The following ZC3H12D variants were observed in gnomAD, a reference collection of about 807,000 sequenced individuals.
ZC3H12D encodes the protein zinc finger CCCH-type containing 12D, also known as probable ribonuclease ZC3H12D.
Under a neutral mutation model 24.2 loss-of-function variants are expected in ZC3H12D, and 11 were observed. The ratio of observed to expected loss-of-function variants is 0.46; its 90% confidence interval spans 0.29 to 0.75. The LOEUF is 0.75. ZC3H12D is among the 30% of genes least tolerant of loss of function. The pLI is 0.11. For synonymous variants in ZC3H12D, 333 were observed against 341.8 expected (o/e 0.97, Z 0.28); for missense variants, 740 against 767.7 (o/e 0.96, Z 0.43).
rs1453307081 is a variant in ZC3H12D, at chr6:149,456,445, G to T, written c.680+221C>A. 6.6e-6 allele frequency among the ~76,000 whole-genome samples: 1 copy of T among 152,034 alleles called. No homozygotes were observed. ...GGCCCACCTCTTGGGCTTCTCTGTG[G>T]TGTGTCAGATGTGGCCCTGGGAACA... On this transcript the variant is annotated intron_variant, in intron 4 of 5. Coordinates refer to ENST00000409806, the MANE Select transcript of ZC3H12D (RefSeq NM_207360.3). The surrounding 1 kb of genome is among the most constrained non-coding windows in gnomAD (Gnocchi z 4.3).
rs34279229 is a variant in ZC3H12D at position 149,473,134 on chromosome 6, GA to G, written c.305+1104del. ...CAGGGAGACTTAGCTGGTTAAAAGT[GA>G]AAAAAAAAAAAAAACTCAAAGTACA... On this transcript the variant is annotated intron_variant, in intron 2 of 5. Transcript: ENST00000409806. Among the ~76,000 whole-genome samples the G allele has an allele frequency of 5.9e-3, 273 of 46,082 alleles. 2 individuals are homozygous for G. Among genetic ancestry groups the G allele is most frequent in the African/African-American group, 0.038 (220 of 5,730 alleles). The allele number at this position is 46,082 out of a possible 152,430, so 30.2% of individuals were successfully genotyped here. A position where few individuals can be genotyped will look rare whatever the true frequency, so the allele number is the denominator to read the frequency against.
intron 4 of ZC3H12D, among the ~76,000 whole-genome samples, chr6:149,455,561 C>T (rs1401814351): frequency 1.3e-5 from 2 of 151,340 alleles, no homozygotes; most frequent in Non-Finnish European, 3.0e-5. Context: ...TCTGCCCTCA[C>T]CATTAGCTGA....
intron 2 of ZC3H12D, among the ~76,000 whole-genome samples, chr6:149,463,230 A>G (rs1776103437): frequency 6.6e-6 from 1 of 152,332 alleles, no homozygotes; most frequent in South Asian, 2.1e-4. Context: ...CCAAGCAAGG[A>G]GGGCAATGCC....
At chr6:149,454,473 C>A (rs1438005296) in intron 4 of ZC3H12D, among the ~76,000 whole-genome samples, 2 of 152,242 alleles carry the variant, frequency 1.3e-5, no homozygotes, top group Non-Finnish European at 2.9e-5. Context: ...GCTCAGCTCC[C>A]AGCTGCACAG....
Position 149,474,570 on chromosome 6 carries a change from G to A in ZC3H12D, c.-27C>T, listed in dbSNP as rs7773171. The A allele has an allele frequency of 6.9e-7, 1 of 1,449,750 alleles. No homozygotes were observed. Among genetic ancestry groups the A allele is most frequent in the Non-Finnish European group, 9.2e-7 (1 of 1,091,488 alleles). The allele number at this position is 1,449,750 out of a possible 1,614,324, so 89.8% of individuals were successfully genotyped here. A position where few individuals can be genotyped will look rare whatever the true frequency, so the allele number is the denominator to read the frequency against. On this transcript the variant is annotated 5_prime_UTR_variant, in exon 2 of 6. Coordinates refer to ENST00000409806, the MANE Select transcript of ZC3H12D (RefSeq NM_207360.3). ...CTGTGCCCAGCGGCCACTGGCGCAG[G>A]TCCTGCCCCAGGCTTCCTCCTCTCA... is the stretch of plus-strand genomic sequence containing the variant.
chr6:149,452,645 G>C lies in ZC3H12D; in HGVS notation c.758C>G (p.Pro253Arg). The C allele has an allele frequency of 6.2e-7, 1 of 1,602,364 alleles. No homozygotes were observed. Among genetic ancestry groups the C allele is most frequent in the Non-Finnish European group, 8.5e-7 (1 of 1,175,036 alleles). ...AGGACAATGCTGCCAGGATGGCTCT[G>C]GGGGCTTCGGCTTCCTGCTCAGGAA... The part of the protein sequence containing the change: ...SNFLSRKPKP[P>R]EPSWQHCPYG... Residue 253 changes from proline (P) to arginine (R), a missense_variant, in exon 5 of 6, where the codon CCA becomes CGA. By Grantham distance (103) the Pro-to-Arg change is moderately radical. Coordinates refer to ENST00000409806, the MANE Select transcript of ZC3H12D (RefSeq NM_207360.3). The surrounding 1 kb of genome is among the most constrained non-coding windows in gnomAD (Gnocchi z 4.0).
At chr6:149,481,057 C>T (rs1044737644) in intron 1 of ZC3H12D, among the ~76,000 whole-genome samples, 1 of 147,958 alleles carries the variant, frequency 6.8e-6, no homozygotes, top group African/African-American at 2.5e-5. Context: ...GAAGGGGACA[C>T]TCACCCAGCC....
At position 149,474,229 on chromosome 6, in the gene ZC3H12D, G is replaced by A. The variant is rs145848944; in HGVS notation, c.305+10C>T. The A allele has an allele frequency of 2.4e-4, 348 of 1,468,590 alleles. 1 individual carries two copies. The African/African-American group carries it at 4.3e-3, about 18-fold the overall frequency. 91.0% of individuals were successfully genotyped at this position (1,468,590 alleles called of 1,614,324 possible). A position where few individuals can be genotyped will look rare whatever the true frequency, so the allele number is the denominator to read the frequency against. ...TCCCCAGCCCCAGCTACAGGATGAAGGGAAGCTACCTCATCGCCACGTTGC... is the reference window on the plus strand; with the variant it reads ...TCCCCAGCCCCAGCTACAGGATGAAAGGAAGCTACCTCATCGCCACGTTGC... On this transcript the variant is annotated intron_variant, in intron 2 of 5. Coordinates refer to ENST00000409806, the MANE Select transcript of ZC3H12D (RefSeq NM_207360.3).
rs1290352932 is a variant in ZC3H12D, at chr6:149,474,273, G to A, written c.271C>T (p.Pro91Ser). ...DFRTLASSLR[P>S]IVIDGSNVAM... ...ACGTTGCTGCCATCAATCACTATGGGTCGCAGAGAACTGGCCAGGGTTCTG... is the reference window on the plus strand; with the variant it reads ...ACGTTGCTGCCATCAATCACTATGGATCGCAGAGAACTGGCCAGGGTTCTG... The change falls in exon 2 of 6, where the codon CCC (proline) becomes TCC (serine). Residue 91 changes from proline (P) to serine (S), a missense_variant. By Grantham distance (74) the Pro-to-Ser change is moderately conservative. Transcript: ENST00000409806. The A allele has an allele frequency of 5.9e-6, 9 of 1,518,198 alleles. No homozygotes were observed. Among genetic ancestry groups the A allele is most frequent in the Non-Finnish European group, 8.9e-7 (1 of 1,125,028 alleles). The allele number at this position is 1,518,198 out of a possible 1,614,324, so 94.0% of individuals were successfully genotyped here.
At chr6:149,461,486 G>A (rs1776071697) in intron 3 of ZC3H12D, among the ~76,000 whole-genome samples, 2 of 152,152 alleles carry the variant, frequency 1.3e-5, no homozygotes, top group African/African-American at 4.8e-5. Flanking sequence ...TATTAGAAGT[G>A]GAATACAGAT....
chr6:149,452,864 G>C lies in ZC3H12D; in HGVS notation c.681-142C>G, dbSNP rs1437800781. On this transcript the variant is annotated intron_variant, in intron 4 of 5. Coordinates refer to ENST00000409806, the MANE Select transcript of ZC3H12D (RefSeq NM_207360.3). This position sits in a 1 kb window ranked among gnomAD's most constrained non-coding sequence, Gnocchi z 4.0. ...CACCATCACCCAGCAGGATGTCACA[G>C]CATCTTAAAGCAAAACCTTCCCTTC... The C allele has an allele frequency of 1.4e-6, 1 of 701,352 alleles. No homozygotes were observed. Among genetic ancestry groups the C allele is most frequent in the Non-Finnish European group, 2.4e-6 (1 of 409,022 alleles). The allele number at this position is 701,352 out of a possible 1,614,324, so 43.4% of individuals were successfully genotyped here.
intron 4 of ZC3H12D, among the ~76,000 whole-genome samples, chr6:149,454,382 G>C (rs1299859609): frequency 6.6e-6 from 1 of 152,238 alleles, no homozygotes; most frequent in Non-Finnish European, 1.5e-5. Flanking sequence ...ATGGGTTGCT[G>C]TCCCCCTAAG....
intron 3 of ZC3H12D, chr6:149,459,717 C>A (rs1301450207): frequency 2.8e-6 from 2 of 717,576 alleles, no homozygotes; most frequent in Non-Finnish European, 5.2e-6. Context: ...AAGGAAGAAG[C>A]CTCCCATTGT....
chr6:149,451,018 G>A lies in ZC3H12D; in HGVS notation c.1249C>T (p.His417Tyr). Residue 417 changes from histidine (H) to tyrosine (Y), a missense_variant, in exon 6 of 6, where the codon CAC becomes TAC. Coordinates refer to ENST00000409806, the MANE Select transcript of ZC3H12D (RefSeq NM_207360.3). ...TCGCCGTGCAGGTCCCTAGGGCGGT[G>A]TTCGCCCCGCGGCTGGAGCTGCAGG... Reference protein sequence around the residue: ...PGLQLQPRGEHRPRDLHGDLL... With the variant: ...PGLQLQPRGEYRPRDLHGDLL... 2 of 1,454,032 alleles carry A rather than the reference G, an allele frequency of 1.4e-6. No individual in the cohort carries two copies. The highest frequency in any genetic ancestry group is 1.8e-6 in the Non-Finnish European group (2 of 1,109,616). The allele number at this position is 1,454,032 out of a possible 1,614,324, so 90.1% of individuals were successfully genotyped here. A position where few individuals can be genotyped will look rare whatever the true frequency, so the allele number is the denominator to read the frequency against.
At chr6:149,462,044 G>A in intron 2 of ZC3H12D, 74 bp from the exon 3 acceptor site, 14 of 1,510,468 alleles carry the variant, frequency 9.3e-6, no homozygotes, top group Non-Finnish European at 1.2e-5. Flanking sequence ...CGAATATCCT[G>A]GATCACAGTC....
chr6:149,448,333 C>G lies in ZC3H12D; in HGVS notation c.*2350G>C, dbSNP rs938904719. On this transcript the variant is annotated 3_prime_UTR_variant, in exon 6 of 6. Transcript: ENST00000409806. Reference sequence around the variant, plus strand: ...AAAATTAAAATAAAAAAAATAAAGGCCCGTTGAGGTGGCTCATGCCTGTAA... The same window carrying G: ...AAAATTAAAATAAAAAAAATAAAGGGCCGTTGAGGTGGCTCATGCCTGTAA... The G allele has an allele frequency of 2.0e-5, 3 of 151,740 alleles. No homozygotes were observed. Among genetic ancestry groups the G allele is most frequent in the Admixed American group, 6.6e-5 (1 of 15,214 alleles). 9.4% of individuals were successfully genotyped at this position (151,740 alleles called of 1,614,324 possible).
chr6:149,482,217 A>G (rs1776438675), intron 1 of ZC3H12D, among the ~76,000 whole-genome samples: 1 of 152,260 alleles, frequency 6.6e-6, no homozygotes, highest in South Asian at 2.1e-4. Context: ...GTTCCTTTTT[A>G]AAACTTCTAA....
intron 1 of ZC3H12D, among the ~76,000 whole-genome samples, chr6:149,477,063 T>C (rs1175290884): frequency 6.6e-6 from 1 of 152,266 alleles, no homozygotes. Context: ...TCAGTGAACA[T>C]TCCGGCACAT....
In ZC3H12D at chr6:149,456,637, C is replaced by CCCGGGGGA; in HGVS notation, c.680+28_680+29insTCCCCCGG. ...CCCGGCCCCCCGCCCCGCCGCCCCC[C>CCCGGGGGA]AGGGTGTCAGGACCCCAGCCGGACC... On this transcript the variant is annotated intron_variant, in intron 4 of 5. Coordinates refer to ENST00000409806, the MANE Select transcript of ZC3H12D (RefSeq NM_207360.3). The surrounding 1 kb of genome is among the most constrained non-coding windows in gnomAD (Gnocchi z 4.3). The CCCGGGGGA allele has an allele frequency of 3.2e-6, 5 of 1,554,904 alleles. No individual in the cohort carries two copies. The highest frequency in any genetic ancestry group is 4.4e-6 in the Non-Finnish European group (5 of 1,130,046).
Sources: gnomAD v4.1 joint callset for allele counts (sites outside exome capture counted in the v4.1 genomes callset) on GRCh38, gnomAD v4.1.1 for gene constraint, Gnocchi (gnomAD v3.1) non-coding constraint, MANE v1.5 for transcripts, NCBI Gene and HGNC (gene_info 2026-07-23, HGNC 2026-07-21) for gene names.